The following MCC variants were observed in gnomAD, a reference collection of about 807,000 sequenced individuals.
MCC encodes MCC regulator of Wnt signaling pathway, also known as colorectal mutant cancer protein.
Under a neutral mutation model 116.2 loss-of-function variants are expected in MCC, and 90 were observed. The observed-to-expected ratio is 0.77, with a 90% CI of 0.65 to 0.92. The LOEUF is 0.92. Ranked by LOEUF, MCC falls within the 40% of genes least tolerant of loss-of-function variation. MCC has a pLI of 0.00. For synonymous variants in MCC, 578 were observed against 510.5 expected (o/e 1.13, Z -1.78); for missense variants, 1,516 against 1,312.2 (o/e 1.16, Z -2.40).
At chr5:113,281,053 A>G (rs976744357) in intron 3 of MCC, among the ~76,000 whole-genome samples, 11 of 152,222 alleles carry the variant, frequency 7.2e-5, no homozygotes, top group Non-Finnish European at 1.3e-4. Flanking sequence ...ATATTCTACC[A>G]CTTCCTCCTT....
chr5:113,463,738 G>A (rs980546652), intron 1 of MCC, among the ~76,000 whole-genome samples: 2 of 152,318 alleles, frequency 1.3e-5, no homozygotes, highest in East Asian at 1.9e-4. Flanking sequence ...AAAGAGGACC[G>A]AGCTGGACAT....
chr5:113,420,717 C>T (rs1770307486), intron 1 of MCC, among the ~76,000 whole-genome samples: 1 of 152,160 alleles, frequency 6.6e-6, no homozygotes, highest in African/African-American at 2.4e-5. Context: ...AAGGGTCTCT[C>T]AAATCGGGCC....
chr5:113,413,220 G>T (rs1770043712), intron 1 of MCC, among the ~76,000 whole-genome samples: 2 of 148,138 alleles, frequency 1.4e-5, no homozygotes, highest in Admixed American at 6.7e-5. Context: ...AAGGATATTG[G>T]TCTAAAATTC....
At chr5:113,129,240 G>A (rs13155862) in intron 5 of MCC, among the ~76,000 whole-genome samples, 2,013 of 152,232 alleles carry the variant, frequency 0.013, 22 homozygotes, top group Non-Finnish European at 0.022. Flanking sequence ...CTTGGTGGAG[G>A]GAAGAGAAGA....
chr5:113,052,451 G>A (rs1213170474), intron 15 of MCC, among the ~76,000 whole-genome samples: 1 of 135,150 alleles, frequency 7.4e-6, no homozygotes, highest in Non-Finnish European at 1.6e-5. Flanking sequence ...AGATGAGCCA[G>A]TTTGGAAATC....
chr5:113,133,597 G>A (rs928652639), intron 5 of MCC, among the ~76,000 whole-genome samples: 5 of 152,056 alleles, frequency 3.3e-5, no homozygotes, highest in African/African-American at 4.8e-5. Flanking sequence ...GAGAATGCAG[G>A]TATCTCTTCA....
In MCC at chr5:113,459,836, AC is replaced by A. The variant is rs547940176; in HGVS notation, c.170+28408del. On this transcript the variant is annotated intron_variant, in intron 1 of 18. Transcript: ENST00000408903. ...GAATCGCTATGGAAAACACACACAC[AC>A]ACACACACACACACACACACAGGCA... Among the ~76,000 whole-genome samples the A allele has an allele frequency of 3.0e-4, 35 of 117,212 alleles. No homozygotes were observed. In the South Asian group the frequency reaches 9.0e-3, roughly 30 times the overall value. The allele number at this position is 117,212 out of a possible 152,430, so 76.9% of individuals were successfully genotyped here. A position where few individuals can be genotyped will look rare whatever the true frequency, so the allele number is the denominator to read the frequency against.
At chr5:113,135,183 C>T (rs768431463) in intron 5 of MCC, among the ~76,000 whole-genome samples, 19 of 150,928 alleles carry the variant, frequency 1.3e-4, no homozygotes, top group Non-Finnish European at 1.9e-4. Flanking sequence ...TATGATCCGC[C>T]CACCTCGGCC....
chr5:113,430,899 G>A (rs1770619629), intron 1 of MCC, among the ~76,000 whole-genome samples: 2 of 152,174 alleles, frequency 1.3e-5, no homozygotes, highest in African/African-American at 4.8e-5. Context: ...TTATGGAAAT[G>A]AGTATGAACA....
At chr5:113,315,436 C>T (rs1767255159) in intron 3 of MCC, among the ~76,000 whole-genome samples, 1 of 152,072 alleles carries the variant, frequency 6.6e-6, no homozygotes, top group African/African-American at 2.4e-5. Context: ...AAAGAGAAGA[C>T]GTTGACAATT....
chr5:113,039,709 G>GCA (rs1249494135), intron 17 of MCC, among the ~76,000 whole-genome samples: 24 of 102,862 alleles, frequency 2.3e-4, no homozygotes, highest in African/African-American at 9.2e-4. Context: ...GTCCCACTCC[G>GCA]CGCCCCCCCC....
At chr5:113,182,501 TAGG>T (rs955291218) in intron 3 of MCC, among the ~76,000 whole-genome samples, 14 of 151,956 alleles carry the variant, frequency 9.2e-5, no homozygotes, top group Non-Finnish European at 1.0e-4. Context: ...GAGGCTGAGG[TAGG>T]AGAATAGCTT....
At chr5:113,174,914 G>C (rs1761255859) in intron 3 of MCC, among the ~76,000 whole-genome samples, 1 of 152,066 alleles carries the variant, frequency 6.6e-6, no homozygotes, top group South Asian at 2.1e-4. Context: ...TAAATGTTAA[G>C]AAGAGAATTA....
At chr5:113,412,253 A>G (rs1345429091) in intron 1 of MCC, among the ~76,000 whole-genome samples, 1 of 152,156 alleles carries the variant, frequency 6.6e-6, no homozygotes, top group African/African-American at 2.4e-5. Flanking sequence ...CTGACAATGC[A>G]GGCTCTTTTT....
intron 8 of MCC, among the ~76,000 whole-genome samples, chr5:113,089,100 A>C (rs1305267653): frequency 6.6e-6 from 1 of 152,212 alleles, no homozygotes; most frequent in Non-Finnish European, 1.5e-5. Context: ...GGGGTTCCTC[A>C]ACACCAGAAC....
chr5:113,474,419 G>A (rs181698762), intron 1 of MCC, among the ~76,000 whole-genome samples: 71 of 152,350 alleles, frequency 4.7e-4, no homozygotes, highest in African/African-American at 1.5e-3. Context: ...CATGTGCACA[G>A]CACCGATGCT....
chr5:113,072,757 T>A (rs546966427), intron 11 of MCC, among the ~76,000 whole-genome samples: 3 of 152,334 alleles, frequency 2.0e-5, no homozygotes, highest in African/African-American at 7.2e-5. Context: ...TTCTATCCAG[T>A]CCCATGATGT....
chr5:113,130,067 A>C (rs756242081), intron 5 of MCC, among the ~76,000 whole-genome samples: 39 of 152,222 alleles, frequency 2.6e-4, no homozygotes, highest in Non-Finnish European at 5.7e-4. Flanking sequence ...TCAGAATAGC[A>C]AACACTTAGA....
intron 3 of MCC, among the ~76,000 whole-genome samples, chr5:113,248,588 C>T (rs1434316409): frequency 2.6e-5 from 4 of 152,168 alleles, no homozygotes; most frequent in African/African-American, 9.7e-5. Flanking sequence ...AAATTGGCTG[C>T]TTCCCAAATT....
Sources: allele counts gnomAD v4.1 joint callset (sites outside exome capture counted in the v4.1 genomes callset), GRCh38; gene constraint gnomAD v4.1.1; transcripts MANE v1.5; gene names NCBI Gene and HGNC (gene_info 2026-07-23, HGNC 2026-07-21).